SLC38A8: variants seen among roughly 807,000 people sequenced by gnomAD.
SLC38A8 encodes solute carrier family 38 member 8.
A neutral mutation model predicts 46.0 loss-of-function variants in SLC38A8; 65 were observed. That is an observed-to-expected ratio of 1.41 (90% CI 1.16 to 1.74). The LOEUF is 1.74. Among genes scored for constraint, SLC38A8 ranks in the 40% most tolerant of loss-of-function variants. The pLI, the probability that SLC38A8 is intolerant of heterozygous loss-of-function variation, is 0.00. For synonymous variants in SLC38A8, 447 were observed against 243.7 expected (o/e 1.83, Z -7.77); for missense variants, 998 against 567.9 (o/e 1.76, Z -7.70).
chr16:84,016,253 T>C (rs540353725), intron 9 of SLC38A8, among the ~76,000 whole-genome samples: 20 of 152,282 alleles, frequency 1.3e-4, no homozygotes, highest in Admixed American at 2.6e-4. Context: ...CCTTCACAGA[T>C]GGTAATTATT....
rs543727379 is a variant in SLC38A8, at chr16:84,024,602, G to A, written c.691-1713C>T. ...TCGAGACCAGCCTGGCCAACATGGT[G>A]AAACCCCGTCTCTACTAAAAGTATA... On this transcript the variant is annotated intron_variant, in intron 6 of 10. Transcript: ENST00000299709. 2.6e-5 allele frequency among the ~76,000 whole-genome samples: 4 copies of A among 152,178 alleles called. No homozygotes were observed. The East Asian group carries it at 7.9e-4, about 30-fold the overall frequency.
intron 9 of SLC38A8, among the ~76,000 whole-genome samples, chr16:84,014,170 C>A (rs2084994578): frequency 1.3e-5 from 2 of 151,388 alleles, no homozygotes; most frequent in East Asian, 2.0e-4. Context: ...ACACCCCTCA[C>A]CTCTGAAAGC....
intron 6 of SLC38A8, among the ~76,000 whole-genome samples, chr16:84,024,647 G>A (rs137899657): frequency 2.7e-4 from 41 of 152,176 alleles, no homozygotes; most frequent in Admixed American, 5.9e-4. Context: ...CAGGTGTGGT[G>A]GCAAGCACCT....
intron 5 of SLC38A8, among the ~76,000 whole-genome samples, chr16:84,030,227 G>T (rs749613996): frequency 1.3e-5 from 2 of 152,182 alleles, no homozygotes; most frequent in African/African-American, 2.4e-5. Context: ...GAAGCAGGAA[G>T]AGACAGGAAA....
In SLC38A8 at chr16:84,032,648, C is replaced by G. The variant is rs568382428; in HGVS notation, c.530+680G>C. ...GGGACAAGCCGCCCCCTGGCTTGGT[C>G]TGAGTGGCACGAGAGCCTTGCAGGG... On this transcript the variant is annotated intron_variant, in intron 4 of 10. Coordinates refer to ENST00000299709, the MANE Select transcript of SLC38A8 (RefSeq NM_001080442.3). Among the ~76,000 whole-genome samples, 19 of 152,362 alleles carry G rather than the reference C, an allele frequency of 1.2e-4. No individual in the cohort carries two copies. In the South Asian group the frequency reaches 3.5e-3, roughly 28 times the overall value.
rs776600780 is a variant in SLC38A8, at chr16:84,036,732, G to C, written c.358C>G (p.Leu120Val). ...LNLLMISVAF[L>V]RVIGDQLEKL... ...TCCAGCTGGTCCCCGATCACCCTGA[G>C]GAAGGCCACGGAGATCATGAGCAGG... Residue 120 changes from leucine (L) to valine (V), a missense_variant, in exon 3 of 11, where the codon CTC becomes GTC. Coordinates refer to ENST00000299709, the MANE Select transcript of SLC38A8 (RefSeq NM_001080442.3). The C allele has an allele frequency of 2.5e-6, 4 of 1,614,210 alleles. No individual in the cohort carries two copies. Among genetic ancestry groups the C allele is most frequent in the Non-Finnish European group, 3.4e-6 (4 of 1,180,044 alleles).
intron 6 of SLC38A8, among the ~76,000 whole-genome samples, chr16:84,028,500 G>A (rs1329140326): frequency 6.6e-6 from 1 of 151,222 alleles, no homozygotes; most frequent in Non-Finnish European, 1.5e-5. Flanking sequence ...CCCAGGAGGT[G>A]CAGTGCAGTG....
At chr16:84,043,292 A>G (rs1335138062), upstream of SLC38A8, among the ~76,000 whole-genome samples, 1 of 152,178 alleles carries the variant, frequency 6.6e-6, no homozygotes, top group African/African-American at 2.4e-5. Flanking sequence ...AGAATATCGG[A>G]GACGGCCCCA....
chr16:84,027,903 T>G (rs908237251), intron 6 of SLC38A8, among the ~76,000 whole-genome samples: 6 of 152,178 alleles, frequency 3.9e-5, no homozygotes, highest in African/African-American at 1.4e-4. Flanking sequence ...AGACAAACAG[T>G]TGACAGCAAA....
chr16:84,014,254 G>T (rs1224743970), intron 9 of SLC38A8, among the ~76,000 whole-genome samples: 2 of 151,326 alleles, frequency 1.3e-5, no homozygotes, highest in African/African-American at 4.9e-5. Flanking sequence ...GCCCGAGGGA[G>T]AAGCCACAAG....
intron 6 of SLC38A8, among the ~76,000 whole-genome samples, 165 bp downstream of exon 6, chr16:84,029,329 G>T (rs1031110490): frequency 6.6e-6 from 1 of 152,190 alleles, no homozygotes; most frequent in African/African-American, 2.4e-5. Context: ...TCATGGTCTG[G>T]AATGACAGCC....
intron 7 of SLC38A8, among the ~76,000 whole-genome samples, chr16:84,018,698 C>T (rs1009672916): frequency 4.6e-5 from 7 of 152,150 alleles, no homozygotes; most frequent in Non-Finnish European, 7.4e-5. Context: ...GCCTACGGAT[C>T]TTATTAATTT....
chr16:84,027,549 G>A (rs140973929), intron 6 of SLC38A8, among the ~76,000 whole-genome samples: 1 of 152,172 alleles, frequency 6.6e-6, no homozygotes, highest in Non-Finnish European at 1.5e-5. Flanking sequence ...CAGAGTTCCT[G>A]ATGACAGTAT....
At chr16:84,012,919 T>C (rs544815533) in intron 10 of SLC38A8, 82 bp downstream of exon 10, 28 of 1,444,282 alleles carry the variant, frequency 1.9e-5, no homozygotes, top group South Asian at 8.3e-5. Flanking sequence ...GGATGAGAAA[T>C]AGGATCTGCA....
intron 6 of SLC38A8, among the ~76,000 whole-genome samples, chr16:84,027,199 A>T (rs927276933): frequency 1.3e-5 from 2 of 152,080 alleles, no homozygotes; most frequent in Non-Finnish European, 2.9e-5. Context: ...AAAATACAAA[A>T]ATTAGCTGGA....
At chr16:84,040,113 A>C (rs1028195377) in intron 2 of SLC38A8, 1 of 152,280 alleles carries the variant, frequency 6.6e-6, no homozygotes, top group African/African-American at 2.4e-5. Context: ...CTTCACATTT[A>C]AACGCTCCCC....
intron 5 of SLC38A8, 130 bp downstream of exon 5, chr16:84,031,737 A>C: frequency 2.6e-6 from 2 of 761,018 alleles, no homozygotes; most frequent in Non-Finnish European, 4.3e-6. Context: ...TCAGAGACGG[A>C]AAGAACTGGA....
chr16:84,010,334 G>A (rs1478129857), intron 10 of SLC38A8, among the ~76,000 whole-genome samples: 1 of 152,014 alleles, frequency 6.6e-6, no homozygotes, highest in Non-Finnish European at 1.5e-5. Flanking sequence ...GCTTCCTAAA[G>A]TACTGGGATT....
At chr16:84,019,488 G>A (rs368069676) in intron 7 of SLC38A8, among the ~76,000 whole-genome samples, 2 of 152,142 alleles carry the variant, frequency 1.3e-5, no homozygotes, top group African/African-American at 2.4e-5. Context: ...CGCTGCTCTC[G>A]ACAGCTTCTT....
Sources: allele counts gnomAD v4.1 joint callset (sites outside exome capture counted in the v4.1 genomes callset), GRCh38; gene constraint gnomAD v4.1.1; transcripts MANE v1.5; gene names NCBI Gene and HGNC (gene_info 2026-07-23, HGNC 2026-07-21).